Variants in SH3KBP1 observed in about 807,000 individuals in gnomAD.
SH3KBP1 encodes SH3 domain containing kinase binding protein 1, also known as SH3 domain-containing kinase-binding protein 1.
SH3KBP1 carries 8 observed loss-of-function variants against 50.1 expected under a neutral mutation model. That is an observed-to-expected ratio of 0.16 (90% CI 0.09 to 0.29). The LOEUF is 0.29. Ranked by LOEUF, SH3KBP1 falls within the 10% of genes least tolerant of loss-of-function variation. The pLI, the probability that SH3KBP1 is intolerant of heterozygous loss-of-function variation, is 1.00. For missense variants in SH3KBP1, 377 were observed against 535.2 expected (o/e 0.70, Z 2.92); for synonymous variants, 227 against 218.6 (o/e 1.04, Z -0.34).
At chrX:19,767,534 C>T (rs1345189353) in intron 2 of SH3KBP1, among the ~76,000 whole-genome samples, 1 of 111,079 alleles carries the variant, frequency 9.0e-6, no homozygotes, top group East Asian at 2.8e-4. Flanking sequence ...AGAAGCAGCT[C>T]GTATTTATAA....
chrX:19,766,573 C>T (rs1275862209), intron 2 of SH3KBP1, among the ~76,000 whole-genome samples: 13 of 87,814 alleles, frequency 1.5e-4, no homozygotes, highest in African/African-American at 4.9e-4. Flanking sequence ...GGCACAATCT[C>T]GGCTCACCGC....
At chrX:19,843,781 C>A (rs906425659) in intron 1 of SH3KBP1, among the ~76,000 whole-genome samples, 8 of 111,421 alleles carry the variant, frequency 7.2e-5, no homozygotes, top group African/African-American at 2.6e-4. Flanking sequence ...GCAGGGAAAG[C>A]AGAAAAGAGA....
At chrX:19,587,222 C>CA (rs762405835) in intron 12 of SH3KBP1, among the ~76,000 whole-genome samples, 2,235 of 36,531 alleles carry the variant, frequency 0.061, 104 homozygotes, top group African/African-American at 0.17. Flanking sequence ...AACTCTGCCT[C>CA]AAAAAAAAAA....
At chrX:19,741,287 C>T (rs1472285745) in intron 3 of SH3KBP1, among the ~76,000 whole-genome samples, 1 of 112,010 alleles carries the variant, frequency 8.9e-6, no homozygotes, top group East Asian at 2.8e-4. Context: ...ATGAGACAGA[C>T]GATCTCACCT....
chrX:19,766,592 C>T (rs1296288654), intron 2 of SH3KBP1, among the ~76,000 whole-genome samples: 2 of 100,638 alleles, frequency 2.0e-5, no homozygotes, highest in Non-Finnish European at 4.0e-5. Context: ...GCAAGCTCCG[C>T]CTCCCAGTTT....
intron 2 of SH3KBP1, among the ~76,000 whole-genome samples, chrX:19,830,710 C>T (rs113644901): frequency 0.015 from 1,674 of 109,521 alleles, 32 homozygotes; most frequent in African/African-American, 0.052. Context: ...TACAGTAAGC[C>T]GTGATCACGC....
intron 2 of SH3KBP1, among the ~76,000 whole-genome samples, chrX:19,821,743 A>G (rs1425464501): frequency 9.0e-6 from 1 of 111,003 alleles, no homozygotes; most frequent in African/African-American, 3.3e-5. Context: ...GTTAGCCAGG[A>G]TGGTCTCCAT....
intron 3 of SH3KBP1, among the ~76,000 whole-genome samples, chrX:19,736,856 T>C (rs138400570): frequency 2.7e-5 from 3 of 110,467 alleles, no homozygotes; most frequent in Non-Finnish European, 5.7e-5. Flanking sequence ...GCTGTCCCCA[T>C]ATAATGCAAC....
intron 3 of SH3KBP1, among the ~76,000 whole-genome samples, chrX:19,719,201 G>A (rs1603101202): frequency 9.0e-6 from 1 of 110,821 alleles, no homozygotes; most frequent in East Asian, 2.8e-4. Context: ...GCTCTTTCAC[G>A]CACATCTGTA....
intron 2 of SH3KBP1, among the ~76,000 whole-genome samples, chrX:19,764,242 G>C (rs946432863): frequency 6.3e-5 from 7 of 110,683 alleles, no homozygotes; most frequent in Non-Finnish European, 1.1e-4. Flanking sequence ...AAGCATTTCA[G>C]AGTGGGAAAT....
At chrX:19,830,490 C>T (rs982867578) in intron 2 of SH3KBP1, among the ~76,000 whole-genome samples, 1 of 111,669 alleles carries the variant, frequency 9.0e-6, no homozygotes, top group Non-Finnish European at 1.9e-5. Flanking sequence ...GGCATAGTGG[C>T]TCATGCCTAT....
At chrX:19,868,558 T>C (rs1323594510) in intron 1 of SH3KBP1, among the ~76,000 whole-genome samples, 1 of 107,586 alleles carries the variant, frequency 9.3e-6, no homozygotes, top group Non-Finnish European at 1.9e-5. Flanking sequence ...TCATTCTCTC[T>C]AGTACCCATT....
At chrX:19,811,505 G>C (rs1475595851) in intron 2 of SH3KBP1, among the ~76,000 whole-genome samples, 1 of 111,891 alleles carries the variant, frequency 8.9e-6, no homozygotes, top group Non-Finnish European at 1.9e-5. Context: ...CTCTTGACAA[G>C]GTACTCTCCA....
At chrX:19,610,499 T>G (rs753596158) in intron 8 of SH3KBP1, among the ~76,000 whole-genome samples, 1 of 112,415 alleles carries the variant, frequency 8.9e-6, no homozygotes, top group South Asian at 3.7e-4. Flanking sequence ...ATGAATGCCT[T>G]ATCTTTTCTC....
At chrX:19,613,439 A>C (rs1383611694) in intron 8 of SH3KBP1, among the ~76,000 whole-genome samples, 1 of 111,914 alleles carries the variant, frequency 8.9e-6, no homozygotes, top group Non-Finnish European at 1.9e-5. Flanking sequence ...GTTTAGACAT[A>C]AGCTCTATTG....
chrX:19,666,146 C>T (rs1278667632), intron 6 of SH3KBP1, among the ~76,000 whole-genome samples: 2 of 105,967 alleles, frequency 1.9e-5, no homozygotes, highest in South Asian at 8.3e-4. Flanking sequence ...AAAGGACTTT[C>T]ATTTTCTACC....
intron 2 of SH3KBP1, among the ~76,000 whole-genome samples, chrX:19,770,586 G>C (rs2065761451): frequency 9.0e-6 from 1 of 111,675 alleles, no homozygotes; most frequent in African/African-American, 3.3e-5. Flanking sequence ...TCGAATGGTA[G>C]TTCTGTTTTT....
chrX:19,825,103 ACAGT>A (rs1382058762), intron 2 of SH3KBP1, among the ~76,000 whole-genome samples: 1 of 112,144 alleles, frequency 8.9e-6, no homozygotes, highest in African/African-American at 3.2e-5. Flanking sequence ...GATAGAAAAG[ACAGT>A]CAAACTCCTA....
intron 8 of SH3KBP1, among the ~76,000 whole-genome samples, chrX:19,618,401 A>C (rs1602681801): frequency 9.3e-6 from 1 of 107,431 alleles, no homozygotes. Context: ...AAAAAAAAAA[A>C]AAAAAAAAAC....
Sources: allele counts gnomAD v4.1 joint callset (sites outside exome capture counted in the v4.1 genomes callset), GRCh38; gene constraint gnomAD v4.1.1; transcripts MANE v1.5; gene names NCBI Gene and HGNC (gene_info 2026-07-23, HGNC 2026-07-21).